The following WNT1 variants were observed in gnomAD, a reference collection of about 807,000 sequenced individuals.
The protein encoded by WNT1 is proto-oncogene Wnt-1.
Under a neutral mutation model 21.3 loss-of-function variants are expected in WNT1, and 10 were observed. That is an observed-to-expected ratio of 0.47 (90% confidence interval 0.29 to 0.80). WNT1 has a LOEUF of 0.80. Ranked by LOEUF, WNT1 falls within the 30% of genes least tolerant of loss-of-function variation. The pLI is 0.09. For synonymous variants in WNT1, 208 were observed against 236.3 expected (o/e 0.88, Z 1.10); for missense variants, 476 against 534.1 (o/e 0.89, Z 1.07).
chr12:48,980,595 G>A lies in WNT1; in HGVS notation c.530G>A (p.Gly177Asp). Residue 177 changes from glycine (G) to aspartate (D), a missense_variant, in exon 3 of 4, where the codon GGC (glycine) becomes GAC (aspartate). Coordinates refer to ENST00000293549, the MANE Select transcript of WNT1 (RefSeq NM_005430.4). This position sits in a 1 kb window ranked among gnomAD's most constrained non-coding sequence, Gnocchi z 7.0. The part of the protein sequence containing the change: ...WGGCSDNIDF[G>D]RLFGREFVDS... The stretch of plus-strand genomic sequence containing the variant: ...GGCTGCAGCGACAACATTGACTTCG[G>A]CCGCCTCTTCGGCCGGGAGTTCGTG... The A allele has an allele frequency of 6.2e-7, 1 of 1,604,220 alleles. No individual in the cohort carries two copies.
At position 48,979,453 on chromosome 12, in the gene WNT1, C is replaced by T. The variant is rs1447139423; in HGVS notation, c.105-15C>T. ...GATCCCCTTCCTGAGCCTGAGCTATCATACGTCCCACCAGGGGTATTGTGA... is the reference window on the plus strand; with the variant it reads ...GATCCCCTTCCTGAGCCTGAGCTATTATACGTCCCACCAGGGGTATTGTGA... On this transcript the variant is annotated splice_polypyrimidine_tract_variant and intron_variant, in intron 1 of 3. Transcript: ENST00000293549. This position sits in a 1 kb window ranked among gnomAD's most constrained non-coding sequence, Gnocchi z 6.0. 1.3e-6 allele frequency: 2 copies of T among 1,593,980 alleles called. No individual in the cohort carries two copies. The highest frequency in any genetic ancestry group is 1.3e-5 in the African/African-American group (1 of 74,698).
In WNT1 at chr12:48,981,651, G is replaced by A. The variant is rs1229670469; in HGVS notation, c.*11G>A. 3 of 1,430,084 alleles carry A rather than the reference G, an allele frequency of 2.1e-6. No homozygotes were observed. In the South Asian group the frequency reaches 4.5e-5, roughly 21 times the overall value. 88.6% of individuals were successfully genotyped at this position (1,430,084 alleles called of 1,614,324 possible). On this transcript the variant is annotated 3_prime_UTR_variant, in exon 4 of 4. Coordinates refer to ENST00000293549, the MANE Select transcript of WNT1 (RefSeq NM_005430.4). This position sits in a 1 kb window ranked among gnomAD's most constrained non-coding sequence, Gnocchi z 7.4. ...CACGAGTGTCTGTGAGGCGCTGCGC[G>A]GACTCGCCCCCAGGAACGCTCTCCT... is the stretch of plus-strand genomic sequence containing the variant.
Position 48,979,843 on chromosome 12 carries a change from G to A in WNT1, c.358+122G>A. ...CCTGGAGGGTCACACAATCAACCTT[G>A]CCAAGTGCCTCGTGCCCAGCGCCAG... On this transcript the variant is annotated intron_variant, in intron 2 of 3. Transcript: ENST00000293549. This position sits in a 1 kb window ranked among gnomAD's most constrained non-coding sequence, Gnocchi z 6.0. 7.3e-7 allele frequency: 1 copy of A among 1,364,324 alleles called. No homozygotes were observed. The allele number at this position is 1,364,324 out of a possible 1,614,324, so 84.5% of individuals were successfully genotyped here. A position where few individuals can be genotyped will look rare whatever the true frequency, so the allele number is the denominator to read the frequency against.
In WNT1 at chr12:48,981,307, C is replaced by A; in HGVS notation, c.780C>A (p.Asn260Lys). Reference protein sequence around the residue: ...FDGASRVLYGNRGSNRASRAE... With the variant: ...FDGASRVLYGKRGSNRASRAE... ...GCGCCTCGCGCGTCCTGTACGGCAA[C>A]CGCGGCAGCAACCGCGCTTCGCGGG... Residue 260 changes from asparagine (N) to lysine (K), a missense_variant, in exon 4 of 4, where the codon AAC becomes AAA. Physicochemically the swap from Asn to Lys is moderately conservative, Grantham distance 94. Coordinates refer to ENST00000293549, the MANE Select transcript of WNT1 (RefSeq NM_005430.4). This position sits in a 1 kb window ranked among gnomAD's most constrained non-coding sequence, Gnocchi z 7.4. 6.3e-7 allele frequency: 1 copy of A among 1,581,724 alleles called. No individual in the cohort carries two copies. Among genetic ancestry groups the A allele is most frequent in the South Asian group, 1.1e-5 (1 of 88,300 alleles).
chr12:48,980,523 G>A lies in WNT1; in HGVS notation c.458G>A (p.Cys153Tyr). The change falls in exon 3 of 4, where the codon TGT (cysteine) becomes TAT (tyrosine). Residue 153 changes from cysteine to tyrosine, a missense_variant. Transcript: ENST00000293549. The surrounding 1 kb of genome is among the most constrained non-coding windows in gnomAD (Gnocchi z 7.0). ...GAAGGTTCCATCGAATCCTGCACGT[G>A]TGACTACCGGCGGCGCGGCCCCGGG... ...CSEGSIESCT[C>Y]DYRRRGPGGP... 6.2e-7 allele frequency: 1 copy of A among 1,614,080 alleles called. No individual in the cohort carries two copies. The highest frequency in any genetic ancestry group is 8.5e-7 in the Non-Finnish European group (1 of 1,179,974).
rs562579083 is a variant in WNT1 at position 48,981,386 on chromosome 12, C to T, written c.859C>T (p.His287Tyr). ...CCCGGCCCACAAACCGCCCTCCCCC[C>T]ACGACCTCGTCTACTTCGAGAAATC... The part of the protein sequence containing the change: ...EDPAHKPPSP[H>Y]DLVYFEKSPN... The change falls in exon 4 of 4, where the codon CAC (histidine) becomes TAC (tyrosine). Residue 287 changes from histidine to tyrosine, a missense_variant. By Grantham distance (83) the His-to-Tyr change is moderately conservative. Coordinates refer to ENST00000293549, the MANE Select transcript of WNT1 (RefSeq NM_005430.4). This position sits in a 1 kb window ranked among gnomAD's most constrained non-coding sequence, Gnocchi z 7.4. 20 of 1,578,094 alleles carry T rather than the reference C, an allele frequency of 1.3e-5. No individual in the cohort carries two copies. The Admixed American group carries it at 2.2e-4, about 17-fold the overall frequency.
rs2137623410 is a variant in WNT1 at position 48,979,542 on chromosome 12, G to A, written c.179G>A (p.Ser60Asn). ...AGTCTGCAACTGGTACTCGAGCCCA[G>A]TCTGCAGCTGTTGAGCCGCAAACAG... Reference protein sequence around the residue: ...SKSLQLVLEPSLQLLSRKQRR... With the variant: ...SKSLQLVLEPNLQLLSRKQRR... The change falls in exon 2 of 4, where the codon AGT becomes AAT. Residue 60 changes from serine to asparagine, a missense_variant. Ser to Asn is a conservative substitution (Grantham distance 46, BLOSUM62 1). Coordinates refer to ENST00000293549, the MANE Select transcript of WNT1 (RefSeq NM_005430.4). This position sits in a 1 kb window ranked among gnomAD's most constrained non-coding sequence, Gnocchi z 6.0. The A allele has an allele frequency of 6.2e-7, 1 of 1,614,100 alleles. No homozygotes were observed. Among genetic ancestry groups the A allele is most frequent in the Non-Finnish European group, 8.5e-7 (1 of 1,180,038 alleles).
In WNT1 at chr12:48,979,785, G is replaced by A. The variant is rs1313688114; in HGVS notation, c.358+64G>A. On this transcript the variant is annotated intron_variant, in intron 2 of 3. Transcript: ENST00000293549. This position sits in a 1 kb window ranked among gnomAD's most constrained non-coding sequence, Gnocchi z 6.0. Reference sequence around the variant, plus strand: ...AAACGCGGGGTCACCCCCAGGGCATGGGCGGGCGAGTTCAGAGAAGGTGTC... The same window carrying A: ...AAACGCGGGGTCACCCCCAGGGCATAGGCGGGCGAGTTCAGAGAAGGTGTC... 2 of 1,491,386 alleles carry A rather than the reference G, an allele frequency of 1.3e-6. No individual in the cohort carries two copies. Among genetic ancestry groups the A allele is most frequent in the East Asian group, 2.4e-5 (1 of 42,384 alleles). 92.4% of individuals were successfully genotyped at this position (1,491,386 alleles called of 1,614,324 possible).
rs1482703178 is a variant in WNT1, at chr12:48,981,966, C to T, written c.*326C>T. Among the ~76,000 whole-genome samples, 2 of 152,182 alleles carry T rather than the reference C, an allele frequency of 1.3e-5. No individual in the cohort carries two copies. Among genetic ancestry groups the T allele is most frequent in the Admixed American group, 1.3e-4 (2 of 15,288 alleles). ...GGTCCCCTCCGCCATGGGGTCGGCT[C>T]CTGATGGTGTCATTCTGCCTGCTCC... is the stretch of plus-strand genomic sequence containing the variant. On this transcript the variant is annotated 3_prime_UTR_variant, in exon 4 of 4. Coordinates refer to ENST00000293549, the MANE Select transcript of WNT1 (RefSeq NM_005430.4). This position sits in a 1 kb window ranked among gnomAD's most constrained non-coding sequence, Gnocchi z 7.4.
At position 48,981,204 on chromosome 12, in the gene WNT1, C is replaced by T. The variant is rs1366948268; in HGVS notation, c.677C>T (p.Ser226Leu). 2 of 1,612,416 alleles carry T rather than the reference C, an allele frequency of 1.2e-6. No individual in the cohort carries two copies. The highest frequency in any genetic ancestry group is 4.5e-5 in the East Asian group (2 of 44,766). Residue 226 changes from serine to leucine, a missense_variant, in exon 4 of 4, where the codon TCA becomes TTA. Ser to Leu is a moderately radical substitution (Grantham distance 145). Transcript: ENST00000293549. The surrounding 1 kb of genome is among the most constrained non-coding windows in gnomAD (Gnocchi z 7.4). ...QECKCHGMSG[S>L]CTVRTCWMRL... Reference sequence around the variant, plus strand: ...TGCAAGTGCCACGGGATGTCCGGCTCATGCACGGTGCGCACGTGCTGGATG... The same window carrying T: ...TGCAAGTGCCACGGGATGTCCGGCTTATGCACGGTGCGCACGTGCTGGATG...
Position 48,980,149 on chromosome 12 carries a change from G to T in WNT1, c.359-275G>T, listed in dbSNP as rs908264826. ...TGGTTCTTCCGCTCCCCTCTCTTCG[G>T]TTTGTCTCTCTGGGGCTGCTCCACT... On this transcript the variant is annotated intron_variant, in intron 2 of 3. Transcript: ENST00000293549. The surrounding 1 kb of genome is among the most constrained non-coding windows in gnomAD (Gnocchi z 7.0). 6.6e-6 allele frequency among the ~76,000 whole-genome samples: 1 copy of T among 152,238 alleles called. No homozygotes were observed. The highest frequency in any genetic ancestry group is 6.5e-5 in the Admixed American group (1 of 15,288).
Position 48,981,559 on chromosome 12 carries a change from C to T in WNT1, c.1032C>T (p.Arg344=). The change falls in exon 4 of 4, where the codon CGC becomes CGT. Residue 344 remains arginine, a synonymous_variant. Coordinates refer to ENST00000293549, the MANE Select transcript of WNT1 (RefSeq NM_005430.4). This position sits in a 1 kb window ranked among gnomAD's most constrained non-coding sequence, Gnocchi z 7.4. ...CGCGCACGCAGCGCGTCACCGAGCGCTGCAACTGCACCTTCCACTGGTGCT... is the reference window on the plus strand; with the variant it reads ...CGCGCACGCAGCGCGTCACCGAGCGTTGCAACTGCACCTTCCACTGGTGCT... ...HRTRTQRVTE[R]CNCTFHWCCH... is the part of the protein sequence containing the mutation. The T allele has an allele frequency of 6.5e-7, 1 of 1,532,904 alleles. No individual in the cohort carries two copies. 95.0% of individuals were successfully genotyped at this position (1,532,904 alleles called of 1,614,324 possible). A position where few individuals can be genotyped will look rare whatever the true frequency, so the allele number is the denominator to read the frequency against.
Position 48,980,421 on chromosome 12 carries a change from C to G in WNT1, c.359-3C>G, listed in dbSNP as rs746965727. ...CGCTGATCCCCGCTCCCTTCTCCCACAGGCTGTCGAGAAACGGCGTTTATC... is the reference window on the plus strand; with the variant it reads ...CGCTGATCCCCGCTCCCTTCTCCCAGAGGCTGTCGAGAAACGGCGTTTATC... On this transcript the variant is annotated splice_region_variant and splice_polypyrimidine_tract_variant and intron_variant, in intron 2 of 3. Coordinates refer to ENST00000293549, the MANE Select transcript of WNT1 (RefSeq NM_005430.4). The surrounding 1 kb of genome is among the most constrained non-coding windows in gnomAD (Gnocchi z 7.0). 1.2e-6 allele frequency: 2 copies of G among 1,614,224 alleles called. No individual in the cohort carries two copies. Among genetic ancestry groups the G allele is most frequent in the South Asian group, 2.2e-5 (2 of 91,092 alleles).
Position 48,979,523 on chromosome 12 carries a change from C to A in WNT1, c.160C>A (p.Gln54Lys), listed in dbSNP as rs747502483. The part of the protein sequence containing the change: ...TNLLTDSKSL[Q>K]LVLEPSLQLL... ...CCTGCTTACAGACTCCAAGAGTCTG[C>A]AACTGGTACTCGAGCCCAGTCTGCA... The change falls in exon 2 of 4, where the codon CAA becomes AAA. Residue 54 changes from glutamine to lysine, a missense_variant. By Grantham distance (53) the Gln-to-Lys change is moderately conservative (BLOSUM62 1). Transcript: ENST00000293549. The surrounding 1 kb of genome is among the most constrained non-coding windows in gnomAD (Gnocchi z 6.0). 6.2e-7 allele frequency: 1 copy of A among 1,613,998 alleles called. No individual in the cohort carries two copies. The highest frequency in any genetic ancestry group is 8.5e-7 in the Non-Finnish European group (1 of 1,180,006).
In WNT1 at chr12:48,981,317, A is replaced by C. The variant is rs1413612346; in HGVS notation, c.790A>C (p.Asn264His). Residue 264 changes from asparagine to histidine, a missense_variant, in exon 4 of 4, where the codon AAC becomes CAC. By Grantham distance (68) the Asn-to-His change is moderately conservative (BLOSUM62 1). Coordinates refer to ENST00000293549, the MANE Select transcript of WNT1 (RefSeq NM_005430.4). The surrounding 1 kb of genome is among the most constrained non-coding windows in gnomAD (Gnocchi z 7.4). The part of the protein sequence containing the change: ...SRVLYGNRGS[N>H]RASRAELLRL... ...CGTCCTGTACGGCAACCGCGGCAGC[A>C]ACCGCGCTTCGCGGGCGGAGCTGCT... is the stretch of plus-strand genomic sequence containing the variant. 1 of 1,574,180 alleles carries C rather than the reference A, an allele frequency of 6.4e-7. No homozygotes were observed. Among genetic ancestry groups the C allele is most frequent in the South Asian group, 1.1e-5 (1 of 87,630 alleles).
rs1389526490 is a variant in WNT1, at chr12:48,979,729, C to T, written c.358+8C>T. ...GCAAGATCGTCAACCGAGGTGGGTGCCCAGGAAGGCGACGCTTCCGGGAGC... is the reference window on the plus strand; with the variant it reads ...GCAAGATCGTCAACCGAGGTGGGTGTCCAGGAAGGCGACGCTTCCGGGAGC... On this transcript the variant is annotated splice_region_variant and intron_variant, in intron 2 of 3. Transcript: ENST00000293549. The surrounding 1 kb of genome is among the most constrained non-coding windows in gnomAD (Gnocchi z 6.0). 1 of 1,576,312 alleles carries T rather than the reference C, an allele frequency of 6.3e-7. No individual in the cohort carries two copies. Among genetic ancestry groups the T allele is most frequent in the Non-Finnish European group, 8.6e-7 (1 of 1,156,966 alleles).
At position 48,981,035 on chromosome 12, in the gene WNT1, G is replaced by A; in HGVS notation, c.625-117G>A. On this transcript the variant is annotated intron_variant, in intron 3 of 3. Transcript: ENST00000293549. The surrounding 1 kb of genome is among the most constrained non-coding windows in gnomAD (Gnocchi z 7.4). ...TCGCGCCTCCCTTCCCCTGGGCTCA[G>A]CTAGGCCTGGGCCTTTGCTGAGGTC... The A allele has an allele frequency of 2.0e-6, 3 of 1,481,984 alleles. No individual in the cohort carries two copies. Among genetic ancestry groups the A allele is most frequent in the Non-Finnish European group, 2.7e-6 (3 of 1,110,492 alleles). The allele number at this position is 1,481,984 out of a possible 1,614,324, so 91.8% of individuals were successfully genotyped here.
Position 48,981,128 on chromosome 12 carries a change from CTCTT to C in WNT1, c.625-19_625-16del. The C allele has an allele frequency of 6.2e-7, 1 of 1,608,586 alleles. No individual in the cohort carries two copies. Among genetic ancestry groups the C allele is most frequent in the Non-Finnish European group, 8.5e-7 (1 of 1,178,194 alleles). On this transcript the variant is annotated intron_variant, in intron 3 of 3. Transcript: ENST00000293549. The surrounding 1 kb of genome is among the most constrained non-coding windows in gnomAD (Gnocchi z 7.4). The stretch of plus-strand genomic sequence containing the variant: ...GACTCTGGCCCGGTGCCCTGGGACA[CTCTT>C]TCTTCCCCTATCCCCGCAGACCGTA...
Position 48,980,777 on chromosome 12 carries a change from G to A in WNT1, c.624+88G>A, listed in dbSNP as rs1941001816. ...GTGACGGTCGGTGAGATAAGGCAAG[G>A]GGCACCAGGAGAGGGCGTCCTGGGA... On this transcript the variant is annotated intron_variant, in intron 3 of 3. Coordinates refer to ENST00000293549, the MANE Select transcript of WNT1 (RefSeq NM_005430.4). The surrounding 1 kb of genome is among the most constrained non-coding windows in gnomAD (Gnocchi z 7.0). 6 of 1,458,166 alleles carry A rather than the reference G, an allele frequency of 4.1e-6. No individual in the cohort carries two copies. The highest frequency in any genetic ancestry group is 5.4e-6 in the Non-Finnish European group (6 of 1,104,684). 90.3% of individuals were successfully genotyped at this position (1,458,166 alleles called of 1,614,324 possible). A position where few individuals can be genotyped will look rare whatever the true frequency, so the allele number is the denominator to read the frequency against.
Sources: allele counts gnomAD v4.1 joint callset (sites outside exome capture counted in the v4.1 genomes callset), GRCh38; gene constraint gnomAD v4.1.1; non-coding constraint Gnocchi (gnomAD v3.1); transcripts MANE v1.5; gene names NCBI Gene and HGNC (gene_info 2026-07-23, HGNC 2026-07-21).